Variants in STK39 observed in about 807,000 individuals in gnomAD.
STK39 encodes the protein serine/threonine kinase 39.
STK39 carries 20 observed loss-of-function variants against 77.8 expected under a neutral mutation model. That is an observed-to-expected ratio of 0.26 (90% CI 0.18 to 0.37). STK39 has a LOEUF of 0.37. Ranked by LOEUF, STK39 falls within the 10% of genes least tolerant of loss-of-function variation. The probability of loss-of-function intolerance (pLI) is 1.00; values close to 1 mark genes in which losing one functional copy is unlikely to be tolerated. For synonymous variants in STK39, 246 were observed against 234.1 expected, an observed-to-expected ratio of 1.05 and a Z score of -0.47; for missense variants, 479 against 656.5, an observed-to-expected ratio of 0.73 and a Z score of 2.95.
chr2:168,090,016 T>A (rs1365374876), intron 10 of STK39, among the ~76,000 whole-genome samples: 3 of 152,238 alleles, frequency 2.0e-5, no homozygotes, highest in Non-Finnish European at 2.9e-5. Context: ...TGTAAAGATA[T>A]GAGTTCATGT....
intron 10 of STK39, among the ~76,000 whole-genome samples, chr2:168,114,348 C>T (rs1295408390): frequency 6.6e-6 from 1 of 152,198 alleles, no homozygotes; most frequent in Non-Finnish European, 1.5e-5. Flanking sequence ...CTTATGCTCA[C>T]TTGTATAATA....
rs370266166 is a variant in STK39, at chr2:168,139,465, T to C, written c.840+824A>G. Among the ~76,000 whole-genome samples the C allele has an allele frequency of 7.3e-5, 11 of 150,770 alleles. No homozygotes were observed. The South Asian group carries it at 2.3e-3, about 31-fold the overall frequency. On this transcript the variant is annotated intron_variant, in intron 7 of 17. Coordinates refer to ENST00000355999, the MANE Select transcript of STK39 (RefSeq NM_013233.3). ...ATTACACTGAAACCTTAGTAGAGAT[T>C]GTCTGGTTGATGAGATTACGGATGA...
intron 1 of STK39, among the ~76,000 whole-genome samples, chr2:168,198,530 C>T (rs535973512): frequency 6.6e-6 from 1 of 152,258 alleles, no homozygotes; most frequent in South Asian, 2.1e-4. Flanking sequence ...TCAATGACTT[C>T]CCAAACCAAG....
rs115112374 is a variant in STK39 at position 168,113,303 on chromosome 2, T to A, written c.1089+16238A>T. 6.6e-3 allele frequency among the ~76,000 whole-genome samples: 1,004 copies of A among 152,324 alleles called. 16 individuals are homozygous for A. The highest frequency in any genetic ancestry group is 0.023 in the African/African-American group (938 of 41,586). ...AGTCAGAGCTCTCTGGAGACAGATA[T>A]GCCCACTTTAATAATGAATATAAGA... On this transcript the variant is annotated intron_variant, in intron 10 of 17. Transcript: ENST00000355999.
At chr2:168,097,583 T>A (rs1574462525) in intron 10 of STK39, among the ~76,000 whole-genome samples, 1 of 152,110 alleles carries the variant, frequency 6.6e-6, no homozygotes, top group East Asian at 1.9e-4. Flanking sequence ...CCCACACACA[T>A]AATTAGCCGT....
At chr2:168,196,782 G>T (rs1441216794) in intron 1 of STK39, among the ~76,000 whole-genome samples, 2 of 152,188 alleles carry the variant, frequency 1.3e-5, no homozygotes, top group African/African-American at 2.4e-5. Flanking sequence ...GACAAGAAGG[G>T]GCTGACCATG....
intron 16 of STK39, among the ~76,000 whole-genome samples, chr2:168,001,171 G>C (rs192483128): frequency 1.3e-5 from 2 of 151,840 alleles, no homozygotes; most frequent in East Asian, 3.9e-4. Flanking sequence ...CAGTATAGTG[G>C]GTGATTCTGA....
intron 16 of STK39, among the ~76,000 whole-genome samples, chr2:167,974,174 A>G (rs1015734314): frequency 1.3e-5 from 2 of 152,202 alleles, no homozygotes; most frequent in Non-Finnish European, 2.9e-5. Flanking sequence ...GAAGGCAAAG[A>G]GACAGACTGT....
intron 5 of STK39, among the ~76,000 whole-genome samples, chr2:168,145,890 T>G (rs1378307246): frequency 6.6e-6 from 1 of 152,142 alleles, no homozygotes; most frequent in Non-Finnish European, 1.5e-5. Flanking sequence ...GGGTTATTAT[T>G]AGGGAAAACA....
intron 8 of STK39, among the ~76,000 whole-genome samples, chr2:168,130,798 C>G (rs1159579108): frequency 6.6e-6 from 1 of 152,166 alleles, no homozygotes. Flanking sequence ...TAGTTCCTTC[C>G]AAAAAGGCAG....
chr2:168,224,947 C>T (rs1385700371), intron 1 of STK39, among the ~76,000 whole-genome samples: 6 of 152,322 alleles, frequency 3.9e-5, no homozygotes, highest in Non-Finnish European at 2.9e-5. Context: ...TAAGACAGCA[C>T]TTCATGAACA....
chr2:168,233,174 T>C (rs1356052696), intron 1 of STK39, among the ~76,000 whole-genome samples: 1 of 152,170 alleles, frequency 6.6e-6, no homozygotes, highest in African/African-American at 2.4e-5. Context: ...GAAACACTTT[T>C]CCCTAGTCCT....
chr2:167,977,279 A>C (rs1322160531), intron 16 of STK39, among the ~76,000 whole-genome samples: 1 of 152,198 alleles, frequency 6.6e-6, no homozygotes, highest in African/African-American at 2.4e-5. Context: ...ACAGTGTGGT[A>C]ATGGGAAGTG....
chr2:168,100,866 C>T (rs1686804802), intron 10 of STK39, among the ~76,000 whole-genome samples: 1 of 152,060 alleles, frequency 6.6e-6, no homozygotes, highest in African/African-American at 2.4e-5. Flanking sequence ...GGTATATACC[C>T]AAAGGATTAT....
Position 168,164,916 on chromosome 2 carries a change from C to T in STK39, c.431-1036G>A, listed in dbSNP as rs147210261. Among the ~76,000 whole-genome samples, 203 of 152,252 alleles carry T rather than the reference C, an allele frequency of 1.3e-3. 1 individual carries two copies. Among genetic ancestry groups the T allele is most frequent in the African/African-American group, 4.6e-3 (193 of 41,544 alleles). On this transcript the variant is annotated intron_variant, in intron 3 of 17. Transcript: ENST00000355999. ...TTGACATTTCTGAAGAGTTAACAAACGGCTTACCTCAGGACCTGAATTTGG... is the reference window on the plus strand; with the variant it reads ...TTGACATTTCTGAAGAGTTAACAAATGGCTTACCTCAGGACCTGAATTTGG...
At chr2:168,213,615 G>A (rs1255359846) in intron 1 of STK39, among the ~76,000 whole-genome samples, 1 of 151,372 alleles carries the variant, frequency 6.6e-6, no homozygotes, top group Non-Finnish European at 1.5e-5. Context: ...GAGCCCAGGA[G>A]GTGGAGGTTG....
In STK39 at chr2:168,083,917, C is replaced by T. The variant is rs59272261; in HGVS notation, c.1090-8686G>A. ...TAAGAAGGCAACCAGCATTGACTGA[C>T]GGCTGCCACAGGGAGACAGCCCCAG... is the stretch of plus-strand genomic sequence containing the variant. On this transcript the variant is annotated intron_variant, in intron 10 of 17. Transcript: ENST00000355999. Among the ~76,000 whole-genome samples the T allele has an allele frequency of 6.9e-3, 1,053 of 152,172 alleles. 26 individuals are homozygous for T. The highest frequency in any genetic ancestry group is 0.062 in the East Asian group (318 of 5,170).
chr2:168,060,615 G>A (rs1685640655), intron 14 of STK39, among the ~76,000 whole-genome samples: 1 of 152,150 alleles, frequency 6.6e-6, no homozygotes, highest in East Asian at 1.9e-4. Flanking sequence ...ATCAACAAGT[G>A]TTCACTGAAA....
intron 15 of STK39, among the ~76,000 whole-genome samples, chr2:168,013,092 G>A (rs797017752): frequency 4.6e-5 from 7 of 152,252 alleles, no homozygotes; most frequent in African/African-American, 1.7e-4. Context: ...TAGTAGCTAT[G>A]GAGTGAATTA....
Sources: allele counts gnomAD v4.1 joint callset (sites outside exome capture counted in the v4.1 genomes callset), GRCh38; gene constraint gnomAD v4.1.1; transcripts MANE v1.5; gene names NCBI Gene and HGNC (gene_info 2026-07-23, HGNC 2026-07-21).